The following MTA3 variants were observed in gnomAD, a reference collection of about 807,000 sequenced individuals.
MTA3 encodes the protein metastasis associated 1 family member 3.
A neutral mutation model predicts 83.5 loss-of-function variants in MTA3; 34 were observed. That is an observed-to-expected ratio of 0.41 (90% CI 0.31 to 0.54). The LOEUF (loss-of-function observed/expected upper bound fraction) is 0.54. Among genes scored for constraint, MTA3 ranks in the 20% least tolerant of loss-of-function variants. The probability of loss-of-function intolerance (pLI) is 0.33; values close to 1 mark genes in which losing one functional copy is unlikely to be tolerated. For synonymous variants in MTA3, 303 were observed against 252.7 expected, an observed-to-expected ratio of 1.20 and a Z score of -1.89; for missense variants, 761 against 726.4, an observed-to-expected ratio of 1.05 and a Z score of -0.55.
At chr2:42,522,223 G>A (rs7574541) in intron 2 of MTA3, among the ~76,000 whole-genome samples, 2 of 151,896 alleles carry the variant, frequency 1.3e-5, no homozygotes, top group East Asian at 3.9e-4. Context: ...ACCACCCTCC[G>A]TCCCTGACTT....
At chr2:42,699,414 C>A (rs368151445) in intron 11 of MTA3, among the ~76,000 whole-genome samples, 1 of 152,056 alleles carries the variant, frequency 6.6e-6, no homozygotes, top group Non-Finnish European at 1.5e-5. Flanking sequence ...CCCAGGAGTT[C>A]TCATGAACAG....
At position 42,739,363 on chromosome 2, in the gene MTA3, A is replaced by C. The variant is rs558565222; in HGVS notation, c.1760-14011A>C. 3.9e-5 allele frequency among the ~76,000 whole-genome samples: 6 copies of C among 152,188 alleles called. No homozygotes were observed. In the South Asian group the frequency reaches 8.3e-4, roughly 21 times the overall value. On this transcript the variant is annotated intron_variant, in intron 16 of 16. Transcript: ENST00000405094. ...AACAGACAATAATTATGTTTACACT[A>C]TACTGTAGTCTATTAAGTGTGCAAT...
intron 2 of MTA3, among the ~76,000 whole-genome samples, chr2:42,526,470 A>G (rs542007420): frequency 5.9e-5 from 9 of 152,142 alleles, no homozygotes; most frequent in Admixed American, 2.0e-4. Flanking sequence ...TGGAATGTCT[A>G]TTGGCCCTAC....
At chr2:42,554,148 C>T (rs926325655) in intron 2 of MTA3, among the ~76,000 whole-genome samples, 5 of 150,398 alleles carry the variant, frequency 3.3e-5, no homozygotes, top group Admixed American at 1.3e-4. Context: ...GTACGGGAAT[C>T]GCTTGAATGC....
chr2:42,550,948 G>T (rs949115178), intron 2 of MTA3, among the ~76,000 whole-genome samples: 1 of 151,812 alleles, frequency 6.6e-6, no homozygotes, highest in Non-Finnish European at 1.5e-5. Flanking sequence ...CTACTTGAGA[G>T]GCTGAGACAG....
intron 2 of MTA3, among the ~76,000 whole-genome samples, chr2:42,517,117 G>A (rs555176417): frequency 1.4e-4 from 22 of 151,776 alleles, no homozygotes; most frequent in African/African-American, 2.9e-4. Context: ...AAAATAAACC[G>A]GGTGTGGTGG....
intron 16 of MTA3, among the ~76,000 whole-genome samples, chr2:42,745,494 T>G (rs1333382699): frequency 6.6e-6 from 1 of 152,202 alleles, no homozygotes; most frequent in Non-Finnish European, 1.5e-5. Context: ...ATCTCTGTCT[T>G]TTTATTCTAC....
chr2:42,633,806 G>A (rs1030437138), intron 4 of MTA3, among the ~76,000 whole-genome samples: 26 of 148,414 alleles, frequency 1.8e-4, no homozygotes, highest in Admixed American at 9.5e-4. Context: ...GGAGAATGGC[G>A]TGTACCCGGG....
intron 2 of MTA3, among the ~76,000 whole-genome samples, chr2:42,510,348 C>T (rs1271890015): frequency 2.0e-5 from 3 of 151,078 alleles, no homozygotes; most frequent in Non-Finnish European, 4.4e-5. Context: ...CAGAAATCCT[C>T]GTTTAGCTGG....
intron 4 of MTA3, among the ~76,000 whole-genome samples, chr2:42,623,651 C>T (rs143366706): frequency 3.1e-3 from 470 of 150,582 alleles, no homozygotes; most frequent in Non-Finnish European, 5.3e-3. Flanking sequence ...ATTGTATCCC[C>T]ATGGTATTTT....
intron 16 of MTA3, among the ~76,000 whole-genome samples, chr2:42,727,835 A>G (rs1667937432): frequency 6.6e-6 from 1 of 152,178 alleles, no homozygotes; most frequent in South Asian, 2.1e-4. Flanking sequence ...GATACATAGT[A>G]GATGTATGTA....
At chr2:42,540,272 C>G (rs751209632) in intron 2 of MTA3, among the ~76,000 whole-genome samples, 14 of 150,116 alleles carry the variant, frequency 9.3e-5, no homozygotes, top group Non-Finnish European at 2.1e-4. Flanking sequence ...CTCTTAAGCT[C>G]AAGTGACTCT....
At chr2:42,552,928 C>T (rs1411984880) in intron 2 of MTA3, among the ~76,000 whole-genome samples, 3 of 149,526 alleles carry the variant, frequency 2.0e-5, no homozygotes, top group Non-Finnish European at 3.0e-5. Context: ...CCAGCCTGGG[C>T]GACACCGCAA....
chr2:42,633,289 A>AT (rs1324888058), intron 4 of MTA3, among the ~76,000 whole-genome samples: 1 of 151,748 alleles, frequency 6.6e-6, no homozygotes, highest in African/African-American at 2.4e-5. Context: ...AAAAAAAAAA[A>AT]GCAGAGGTCC....
intron 3 of MTA3, among the ~76,000 whole-genome samples, chr2:42,588,015 AG>A (rs1680545431): frequency 6.6e-6 from 1 of 152,190 alleles, no homozygotes; most frequent in Non-Finnish European, 1.5e-5. Flanking sequence ...TAAGGCTCAG[AG>A]TCTTAACATT....
At chr2:42,585,931 T>G (rs760346487) in intron 3 of MTA3, among the ~76,000 whole-genome samples, 1 of 152,066 alleles carries the variant, frequency 6.6e-6, no homozygotes, top group Non-Finnish European at 1.5e-5. Context: ...GAGTGACACC[T>G]GTGTCTCTTT....
intron 2 of MTA3, chr2:42,533,102 T>G (rs2103726273): frequency 6.2e-6 from 1 of 161,616 alleles, no homozygotes; most frequent in East Asian, 1.8e-4. Flanking sequence ...TTTTTTTTTT[T>G]TTGAGATGGA....
In MTA3 at chr2:42,704,179, T is replaced by C. The variant is rs900953185; in HGVS notation, c.1026-15T>C. On this transcript the variant is annotated splice_polypyrimidine_tract_variant and intron_variant, in intron 11 of 16. Coordinates refer to ENST00000405094, the MANE Select transcript of MTA3 (RefSeq NM_001330442.2). ...TACAAATCATTTTATCACCTTATTTTAATTTCATTGAAAGCAGCAAACCAA... is the reference window on the plus strand; with the variant it reads ...TACAAATCATTTTATCACCTTATTTCAATTTCATTGAAAGCAGCAAACCAA... 8 of 1,612,576 alleles carry C rather than the reference T, an allele frequency of 5.0e-6. No individual in the cohort carries two copies. Among genetic ancestry groups the C allele is most frequent in the Admixed American group, 1.7e-5 (1 of 59,796 alleles).
chr2:42,617,083 A>G (rs1034725529), intron 4 of MTA3, among the ~76,000 whole-genome samples: 4 of 152,194 alleles, frequency 2.6e-5, no homozygotes, highest in Admixed American at 6.6e-5. Flanking sequence ...TTTAAGAGCA[A>G]TTTGCAGCAA....
Sources: gnomAD v4.1 joint callset for allele counts (sites outside exome capture counted in the v4.1 genomes callset) on GRCh38, gnomAD v4.1.1 for gene constraint, MANE v1.5 for transcripts, NCBI Gene and HGNC (gene_info 2026-07-23, HGNC 2026-07-21) for gene names.